The following LRRC8C variants were observed in gnomAD, a reference collection of about 807,000 sequenced individuals.
The protein encoded by LRRC8C is volume-regulated anion channel subunit LRRC8C.
A neutral mutation model predicts 55.3 loss-of-function variants in LRRC8C; 20 were observed. The ratio of observed to expected loss-of-function variants is 0.36; its 90% CI spans 0.25 to 0.53. The LOEUF (loss-of-function observed/expected upper bound fraction) is 0.53, where lower values mean the gene tolerates loss of function less well. LRRC8C is among the 20% of genes least tolerant of loss of function. The pLI is 0.92. For synonymous variants in LRRC8C, 376 were observed against 360.7 expected, an observed-to-expected ratio of 1.04 and a Z score of -0.48; for missense variants, 659 against 951.4, an observed-to-expected ratio of 0.69 and a Z score of 4.04.
At chr1:89,667,375 CTTT>C (rs1657298751) in intron 1 of LRRC8C, among the ~76,000 whole-genome samples, 1 of 152,124 alleles carries the variant, frequency 6.6e-6, no homozygotes, top group African/African-American at 2.4e-5. Context: ...CCTAAACCTA[CTTT>C]CTGTAGCCTC....
chr1:89,709,816 A>T (rs563140990), intron 2 of LRRC8C, among the ~76,000 whole-genome samples: 87 of 145,714 alleles, frequency 6.0e-4, no homozygotes, highest in African/African-American at 1.9e-3. Flanking sequence ...CAGTGGCGCG[A>T]TCTCGGCTCA....
At chr1:89,618,608 G>A in the LRRC8C span, among the ~76,000 whole-genome samples, 18 of 152,322 alleles carry the variant, frequency 1.2e-4, no homozygotes, top group South Asian at 4.1e-4. Flanking sequence ...CTAGAGGAGA[G>A]ACGTGGAAAT....
At chr1:89,697,634 TG>T (rs1409526683) in intron 2 of LRRC8C, among the ~76,000 whole-genome samples, 1 of 152,240 alleles carries the variant, frequency 6.6e-6, no homozygotes, top group Non-Finnish European at 1.5e-5. Flanking sequence ...TTTTCTCACA[TG>T]GTTGTTACTT....
chr1:89,623,812 T>C, the LRRC8C span, among the ~76,000 whole-genome samples: 1 of 151,754 alleles, frequency 6.6e-6, no homozygotes, highest in South Asian at 2.1e-4. Flanking sequence ...AGAGGGAGGG[T>C]AGATAAGTAT....
intron 1 of LRRC8C, among the ~76,000 whole-genome samples, chr1:89,637,937 C>CT (rs2101174992): frequency 6.6e-6 from 1 of 152,148 alleles, no homozygotes; most frequent in African/African-American, 2.4e-5. Flanking sequence ...AAGTCTAAGT[C>CT]TAACATTCGG....
the LRRC8C span, among the ~76,000 whole-genome samples, chr1:89,621,296 TAAAAA>T: frequency 1.0e-3 from 126 of 123,826 alleles, no homozygotes; most frequent in Admixed American, 1.6e-3. Flanking sequence ...CCGTCTCTAC[TAAAAA>T]AAAAAAAAAA....
chr1:89,674,247 T>C (rs1027773135), intron 1 of LRRC8C, among the ~76,000 whole-genome samples: 7 of 152,208 alleles, frequency 4.6e-5, no homozygotes, highest in Admixed American at 3.9e-4. Context: ...CGGCACAATG[T>C]AGATTTGAGA....
intron 2 of LRRC8C, among the ~76,000 whole-genome samples, chr1:89,707,209 C>T (rs1197537972): frequency 6.6e-6 from 1 of 151,892 alleles, no homozygotes; most frequent in African/African-American, 2.4e-5. Flanking sequence ...GAGTTCAAGA[C>T]CAGCCTGGCC....
intron 1 of LRRC8C, 134 bp from the exon 2 acceptor site, chr1:89,686,336 A>G (rs1395032941): frequency 1.2e-6 from 1 of 854,040 alleles, no homozygotes; most frequent in Non-Finnish European, 1.8e-6. Context: ...TGGCTCATCA[A>G]AACATTGATG....
Position 89,713,683 on chromosome 1 carries a change from T to G in LRRC8C, c.1113T>G (p.Ala371=). ...DDIPDVKNDF[A]FMLHMIDQYD... ...TTCCAGATGTGAAAAATGACTTTGC[T>G]TTTATGCTTCATATGATAGATCAGT... The change falls in exon 3 of 3, where the codon GCT becomes GCG. Residue 371 remains alanine, a synonymous_variant. Transcript: ENST00000370454. This position sits in a 1 kb window ranked among gnomAD's most constrained non-coding sequence, Gnocchi z 5.2. The G allele has an allele frequency of 3.7e-6, 6 of 1,614,216 alleles. No individual in the cohort carries two copies. Among genetic ancestry groups the G allele is most frequent in the Non-Finnish European group, 5.1e-6 (6 of 1,180,032 alleles).
At chr1:89,640,147 C>A (rs138261974) in intron 1 of LRRC8C, among the ~76,000 whole-genome samples, 1 of 152,206 alleles carries the variant, frequency 6.6e-6, no homozygotes, top group Non-Finnish European at 1.5e-5. Context: ...TCACTGCAAC[C>A]GCTGCCTCCT....
intron 1 of LRRC8C, among the ~76,000 whole-genome samples, chr1:89,633,569 G>A (rs1303636096): frequency 6.6e-6 from 1 of 152,176 alleles, no homozygotes; most frequent in Non-Finnish European, 1.5e-5. Flanking sequence ...GCGGCCGCGC[G>A]AGGATCTCAG....
At chr1:89,694,382 C>T in intron 2 of LRRC8C, among the ~76,000 whole-genome samples, 1 of 152,018 alleles carries the variant, frequency 6.6e-6, no homozygotes, top group East Asian at 1.9e-4. Context: ...GGCATGGTAA[C>T]ATTCTACAGA....
At chr1:89,660,648 CAT>C (rs768485783) in intron 1 of LRRC8C, among the ~76,000 whole-genome samples, 15 of 152,170 alleles carry the variant, frequency 9.9e-5, no homozygotes, top group African/African-American at 2.7e-4. Context: ...CCTTTGAAAA[CAT>C]GTGCACTTTC....
chr1:89,665,187 A>G lies in LRRC8C; in HGVS notation c.-4-21283A>G, dbSNP rs371106350. ...CTACGTTGAATAGGAGTGGTGAGAG[A>G]GGGTATCCTTGTCTTGTGCCAGTTT... On this transcript the variant is annotated intron_variant, in intron 1 of 2. Transcript: ENST00000370454. Among the ~76,000 whole-genome samples the G allele has an allele frequency of 5.3e-5, 8 of 152,262 alleles. No homozygotes were observed. The East Asian group carries it at 1.2e-3, about 22-fold the overall frequency.
At chr1:89,632,036 C>A (rs1656121366), upstream of LRRC8C, 1 of 152,250 alleles carries the variant, frequency 6.6e-6, no homozygotes, top group African/African-American at 2.4e-5. Context: ...CTTTTCCAGA[C>A]TGCCAGCGCG....
At chr1:89,657,730 ACT>A (rs1230701476) in intron 1 of LRRC8C, among the ~76,000 whole-genome samples, 24 of 99,166 alleles carry the variant, frequency 2.4e-4, no homozygotes, top group Non-Finnish European at 4.6e-4. Flanking sequence ...ACAGAGTGAG[ACT>A]CTGTATCAAA....
At chr1:89,616,658 T>C in the LRRC8C span, among the ~76,000 whole-genome samples, 1 of 152,182 alleles carries the variant, frequency 6.6e-6, no homozygotes, top group Non-Finnish European at 1.5e-5. Flanking sequence ...AAAGACAACC[T>C]TTCTTGGCTT....
chr1:89,708,515 C>T (rs1343867023), intron 2 of LRRC8C: 1 of 151,480 alleles, frequency 6.6e-6, no homozygotes, highest in Non-Finnish European at 1.5e-5. Context: ...CAAAAATTTC[C>T]TAATTCTCAC....
Sources: gnomAD v4.1 joint callset for allele counts (sites outside exome capture counted in the v4.1 genomes callset) on GRCh38, gnomAD v4.1.1 for gene constraint, Gnocchi (gnomAD v3.1) non-coding constraint, MANE v1.5 for transcripts, NCBI Gene and HGNC (gene_info 2026-07-23, HGNC 2026-07-21) for gene names.